The following WDR41 variants were observed in gnomAD, a reference collection of about 807,000 sequenced individuals.
WDR41 encodes the protein WD repeat domain 41.
A neutral mutation model predicts 69.3 loss-of-function variants in WDR41; 63 were observed. That is an observed-to-expected ratio of 0.91 (90% CI 0.74 to 1.12). The LOEUF (loss-of-function observed/expected upper bound fraction) is 1.12. Ranked by LOEUF, WDR41 falls within the 50% of genes most tolerant of loss-of-function variation. The probability of loss-of-function intolerance (pLI) is 0.00; values close to 1 mark genes in which losing one functional copy is unlikely to be tolerated. For synonymous variants in WDR41, 185 were observed against 192.1 expected (o/e 0.96, Z 0.31); for missense variants, 543 against 534.5 (o/e 1.02, Z -0.16).
At chr5:77,455,797 T>C (rs1403691084) in intron 5 of WDR41, among the ~76,000 whole-genome samples, 1 of 152,172 alleles carries the variant, frequency 6.6e-6, no homozygotes, top group East Asian at 1.9e-4. Flanking sequence ...TTCGGTTCCA[T>C]TGATCTGCAT....
intron 9 of WDR41, among the ~76,000 whole-genome samples, chr5:77,439,247 T>C (rs1241092752): frequency 6.6e-6 from 1 of 152,222 alleles, no homozygotes; most frequent in African/African-American, 2.4e-5. Context: ...TATTGCCTTC[T>C]TGTTTTCACC....
At chr5:77,442,289 G>A (rs1799196828) in intron 8 of WDR41, among the ~76,000 whole-genome samples, 1 of 152,064 alleles carries the variant, frequency 6.6e-6, no homozygotes, top group Non-Finnish European at 1.5e-5. Flanking sequence ...ACATCGAATT[G>A]AGAATTGAAT....
chr5:77,483,557 C>T (rs1408867755), intron 2 of WDR41, among the ~76,000 whole-genome samples: 2 of 151,310 alleles, frequency 1.3e-5, no homozygotes, highest in Non-Finnish European at 2.9e-5. Flanking sequence ...ACTTCTTTTT[C>T]GCTCATTAAC....
chr5:77,487,520 T>C (rs1412956755), intron 2 of WDR41, among the ~76,000 whole-genome samples: 1 of 152,232 alleles, frequency 6.6e-6, no homozygotes, highest in Non-Finnish European at 1.5e-5. Context: ...GTAATATATA[T>C]GAGACAAATC....
At chr5:77,559,381 A>C (rs146699299) in intron 1 of WDR41, among the ~76,000 whole-genome samples, 1 of 152,280 alleles carries the variant, frequency 6.6e-6, no homozygotes, top group East Asian at 1.9e-4. Flanking sequence ...TATAAATTTT[A>C]AATTACAAGT....
At chr5:77,539,225 G>A (rs552643651) in intron 1 of WDR41, among the ~76,000 whole-genome samples, 2 of 152,254 alleles carry the variant, frequency 1.3e-5, no homozygotes, top group African/African-American at 4.8e-5. Context: ...AGAATTTTGG[G>A]TAGATATAAG....
intron 1 of WDR41, among the ~76,000 whole-genome samples, chr5:77,568,799 C>G (rs1332168203): frequency 6.6e-6 from 1 of 152,150 alleles, no homozygotes; most frequent in Non-Finnish European, 1.5e-5. Flanking sequence ...CTATCCTCTC[C>G]CAGAAAAGCT....
intron 1 of WDR41, among the ~76,000 whole-genome samples, chr5:77,557,229 C>T (rs539764277): frequency 6.6e-6 from 1 of 152,202 alleles, no homozygotes; most frequent in South Asian, 2.1e-4. Flanking sequence ...ATAAATTTAA[C>T]TCTAGTATAT....
At position 77,464,825 on chromosome 5, in the gene WDR41, G is replaced by C. The variant is rs370934490; in HGVS notation, c.168-16C>G. On this transcript the variant is annotated splice_polypyrimidine_tract_variant and intron_variant, in intron 2 of 12. Coordinates refer to ENST00000296679, the MANE Select transcript of WDR41 (RefSeq NM_018268.4). ...AGATGCAAATCTGGTTAGGGAGAAAGGGTCAAGAAAAAAAAATCACTGGTG... is the reference window on the plus strand; with the variant it reads ...AGATGCAAATCTGGTTAGGGAGAAACGGTCAAGAAAAAAAAATCACTGGTG... The C allele has an allele frequency of 3.8e-6, 6 of 1,580,046 alleles. No individual in the cohort carries two copies. The highest frequency in any genetic ancestry group is 5.1e-6 in the Non-Finnish European group (6 of 1,166,624).
intron 1 of WDR41, among the ~76,000 whole-genome samples, chr5:77,577,831 C>G (rs1006703868): frequency 6.6e-6 from 1 of 152,148 alleles, no homozygotes; most frequent in Non-Finnish European, 1.5e-5. Context: ...TAAGTTGAAA[C>G]TATCATAAGT....
At chr5:77,482,649 T>A (rs116164048) in intron 2 of WDR41, among the ~76,000 whole-genome samples, 5,548 of 152,206 alleles carry the variant, frequency 0.036, 119 homozygotes, top group Middle Eastern at 0.1. Flanking sequence ...AGGCAGATTG[T>A]ATACTCCATC....
At chr5:77,589,768 A>G (rs930838680) in intron 1 of WDR41, among the ~76,000 whole-genome samples, 2 of 152,144 alleles carry the variant, frequency 1.3e-5, no homozygotes, top group African/African-American at 4.8e-5. Flanking sequence ...CATGTCATTC[A>G]TGAACAATGA....
chr5:77,516,976 A>C (rs929135010), intron 1 of WDR41, among the ~76,000 whole-genome samples: 1 of 151,164 alleles, frequency 6.6e-6, no homozygotes, highest in African/African-American at 2.4e-5. Flanking sequence ...AGATTGCGCC[A>C]CTTCACTCCA....
At chr5:77,610,617 T>C (rs1744527001) in intron 1 of WDR41, among the ~76,000 whole-genome samples, 1 of 152,044 alleles carries the variant, frequency 6.6e-6, no homozygotes, top group South Asian at 2.1e-4. Context: ...AGAGATTTTG[T>C]CACCACCAGG....
intron 1 of WDR41, among the ~76,000 whole-genome samples, chr5:77,517,027 A>AG (rs1415584319): frequency 1.3e-5 from 2 of 151,966 alleles, no homozygotes; most frequent in African/African-American, 4.8e-5. Context: ...AAAAAAAAAA[A>AG]AAGGAAAAAG....
chr5:77,600,929 ATGTGTGTG>A (rs71608111), intron 1 of WDR41, among the ~76,000 whole-genome samples: 34 of 144,198 alleles, frequency 2.4e-4, no homozygotes, highest in South Asian at 9.1e-4. Context: ...CTCTGTGTGT[ATGTGTGTG>A]TGTGTGTGTG....
At chr5:77,446,484 A>C (rs1041969107) in intron 8 of WDR41, among the ~76,000 whole-genome samples, 17 of 152,240 alleles carry the variant, frequency 1.1e-4, no homozygotes, top group African/African-American at 3.9e-4. Context: ...CCTAAGCAAA[A>C]AGAACAAAGC....
chr5:77,536,433 G>A lies in WDR41; in HGVS notation c.43-46861C>T, dbSNP rs533043245. 2.0e-4 allele frequency among the ~76,000 whole-genome samples: 30 copies of A among 152,118 alleles called. No homozygotes were observed. In the South Asian group the frequency reaches 5.2e-3, roughly 26 times the overall value. ...AAAAAAGTAATGAAAATTATCTGGG[G>A]AGAGCAGAGAAGACTCCAGTGAAGA... On this transcript the variant is annotated intron_variant, in intron 1 of 5. Coordinates refer to the WDR41 transcript ENST00000509971.
At chr5:77,611,101 GCTAA>G (rs1744540292) in intron 1 of WDR41, among the ~76,000 whole-genome samples, 1 of 152,084 alleles carries the variant, frequency 6.6e-6, no homozygotes, top group Admixed American at 6.5e-5. Context: ...AACAAGAAGA[GCTAA>G]CTATCGTAAA....
Sources: allele counts gnomAD v4.1 joint callset (sites outside exome capture counted in the v4.1 genomes callset), GRCh38; gene constraint gnomAD v4.1.1; transcripts MANE v1.5; gene names NCBI Gene and HGNC (gene_info 2026-07-23, HGNC 2026-07-21).